Variants in RAD51B observed in about 807,000 individuals in gnomAD.
RAD51B encodes the protein DNA repair protein RAD51 homolog 2.
RAD51B carries 38 observed loss-of-function variants against 42.2 expected under a neutral mutation model. The ratio of observed to expected loss-of-function variants is 0.90; its 90% CI spans 0.70 to 1.18. The LOEUF is 1.18. Ranked by LOEUF, RAD51B falls within the 50% of genes most tolerant of loss-of-function variation. RAD51B has a pLI of 0.00. For missense variants in RAD51B, 373 were observed against 400.7 expected (o/e 0.93, Z 0.59); for synonymous variants, 154 against 145.2 (o/e 1.06, Z -0.43).
rs567291217 is a variant in RAD51B, at chr14:68,450,474, C to T, written c.958-17698C>T. 3.3e-5 allele frequency among the ~76,000 whole-genome samples: 5 copies of T among 152,202 alleles called. No individual in the cohort carries two copies. The South Asian group carries it at 1.0e-3, about 32-fold the overall frequency. ...CCTCAGGTGATCCACCCGCCTTGGCCGCCCGAAGTGCTGGGATTATAGGCG... is the reference window on the plus strand; with the variant it reads ...CCTCAGGTGATCCACCCGCCTTGGCTGCCCGAAGTGCTGGGATTATAGGCG... On this transcript the variant is annotated intron_variant, in intron 9 of 10. Coordinates refer to ENST00000471583, the MANE Select transcript of RAD51B (RefSeq NM_133510.4).
intron 10 of RAD51B, among the ~76,000 whole-genome samples, chr14:68,523,416 C>G (rs889528949): frequency 1.3e-5 from 2 of 152,090 alleles, no homozygotes; most frequent in Non-Finnish European, 2.9e-5. Flanking sequence ...TCTGGGGTGG[C>G]CTTTTGGATT....
intron 11 of RAD51B, among the ~76,000 whole-genome samples, chr14:68,676,308 C>T (rs970514360): frequency 1.7e-4 from 26 of 152,274 alleles, no homozygotes; most frequent in African/African-American, 6.3e-4. Context: ...AGAACCCCAC[C>T]ACAGCAAGCT....
At chr14:68,536,613 T>G (rs1256669526) in intron 10 of RAD51B, among the ~76,000 whole-genome samples, 4 of 152,252 alleles carry the variant, frequency 2.6e-5, no homozygotes, top group Non-Finnish European at 4.4e-5. Flanking sequence ...TTATCCTTTG[T>G]AAAATTCTGT....
chr14:67,967,479 C>T (rs1050183831), intron 7 of RAD51B, among the ~76,000 whole-genome samples: 1 of 152,146 alleles, frequency 6.6e-6, no homozygotes, highest in Non-Finnish European at 1.5e-5. Context: ...CAAAAGCAAG[C>T]TAGTTGTTTC....
chr14:68,503,721 G>A (rs903579312), intron 10 of RAD51B, among the ~76,000 whole-genome samples: 31 of 152,148 alleles, frequency 2.0e-4, no homozygotes, highest in African/African-American at 7.2e-4. Flanking sequence ...GTTAGTAGAT[G>A]TTCCATAAAT....
At position 68,151,823 on chromosome 14, in the gene RAD51B, CTTTTTTTTTTTTTTTTTTT is replaced by C. The variant is rs71129868; in HGVS notation, c.757-140042_757-140024del. 4.3e-4 allele frequency among the ~76,000 whole-genome samples: 17 copies of C among 39,934 alleles called. 1 individual carries two copies. Among genetic ancestry groups the C allele is most frequent in the Admixed American group, 1.6e-3 (4 of 2,428 alleles). The allele number at this position is 39,934 out of a possible 152,430, so 26.2% of individuals were successfully genotyped here. A position where few individuals can be genotyped will look rare whatever the true frequency, so the allele number is the denominator to read the frequency against. On this transcript the variant is annotated intron_variant, in intron 7 of 10. Coordinates refer to ENST00000471583, the MANE Select transcript of RAD51B (RefSeq NM_133510.4). ...CAAACATGGACTATAGTTATAAAGA[CTTTTTTTTTTTTTTTTTTT>C]TTTTTTTTTTTTTTTTTTGAGATGG...
At chr14:68,214,674 C>T (rs1308513809) in intron 7 of RAD51B, among the ~76,000 whole-genome samples, 6 of 152,134 alleles carry the variant, frequency 3.9e-5, no homozygotes, top group African/African-American at 7.2e-5. Context: ...TGTTTGTTCA[C>T]GAGTGTTTTG....
chr14:68,144,256 C>T (rs1215567571), intron 7 of RAD51B, among the ~76,000 whole-genome samples: 2 of 152,168 alleles, frequency 1.3e-5, no homozygotes, highest in Non-Finnish European at 2.9e-5. Flanking sequence ...GGTGTACTTT[C>T]ACCCCTGGCC....
chr14:68,478,766 T>C (rs1032187552), downstream of RAD51B, among the ~76,000 whole-genome samples: 6 of 152,200 alleles, frequency 3.9e-5, no homozygotes, highest in South Asian at 1.2e-3. Context: ...CTCCTATGAG[T>C]GCCCAACAGA....
chr14:67,885,923 G>C lies in RAD51B; in HGVS notation c.507G>C (p.Lys169Asn), dbSNP rs1330211984. The C allele has an allele frequency of 6.2e-7, 1 of 1,606,858 alleles. No homozygotes were observed. Among genetic ancestry groups the C allele is most frequent in the Non-Finnish European group, 8.5e-7 (1 of 1,174,952 alleles). Residue 169 changes from lysine to asparagine, a missense_variant, in exon 6 of 11, where the codon AAG (lysine) becomes AAC (asparagine). Lys to Asn is a moderately conservative substitution (Grantham distance 94). Coordinates refer to ENST00000471583, the MANE Select transcript of RAD51B (RefSeq NM_133510.4). The stretch of plus-strand genomic sequence containing the variant: ...CCAGATATTTTAACACTGAAGAAAA[G>C]TTACTTTTGACAAGTAGTAAAGTTC... ...RFPRYFNTEE[K>N]LLLTSSKVHL...
chr14:68,535,713 A>T (rs1404399241), intron 10 of RAD51B, among the ~76,000 whole-genome samples: 1 of 152,212 alleles, frequency 6.6e-6, no homozygotes, highest in East Asian at 1.9e-4. Context: ...CCAACATTTC[A>T]GGAAAACCAA....
chr14:68,511,676 T>TAA (rs1307726084), intron 10 of RAD51B, among the ~76,000 whole-genome samples: 3 of 152,194 alleles, frequency 2.0e-5, no homozygotes, highest in African/African-American at 7.2e-5. Flanking sequence ...AAGAAGCTAT[T>TAA]AAGGCGTGTT....
At chr14:68,050,760 G>A (rs896057531) in intron 7 of RAD51B, among the ~76,000 whole-genome samples, 5 of 151,988 alleles carry the variant, frequency 3.3e-5, no homozygotes, top group African/African-American at 1.2e-4. Flanking sequence ...CAAGCTGTGT[G>A]TTTTTGCATT....
intron 7 of RAD51B, among the ~76,000 whole-genome samples, chr14:67,935,184 G>A (rs2044891827): frequency 6.6e-6 from 1 of 152,122 alleles, no homozygotes; most frequent in Non-Finnish European, 1.5e-5. Flanking sequence ...GAATCCTTTT[G>A]GAGAGAGTTA....
At chr14:67,924,320 G>A (rs990091483) in intron 7 of RAD51B, among the ~76,000 whole-genome samples, 8 of 152,082 alleles carry the variant, frequency 5.3e-5, no homozygotes, top group African/African-American at 1.9e-4. Flanking sequence ...ATGTCTAGAA[G>A]GGGTTTTCCA....
rs570652442 is a variant in RAD51B, at chr14:68,493,008, T to G, written c.1036+24758T>G. On this transcript the variant is annotated intron_variant, in intron 10 of 10. Transcript: ENST00000487270. The stretch of plus-strand genomic sequence containing the variant: ...GCCTCTCTGATCCTTTGAGAGAATG[T>G]ACATTAGCATCCCTCCGAGCTTCCC... 3.9e-5 allele frequency among the ~76,000 whole-genome samples: 6 copies of G among 152,306 alleles called. No homozygotes were observed. The South Asian group carries it at 1.2e-3, about 32-fold the overall frequency.
At chr14:68,089,075 A>AT (rs1231484500) in intron 7 of RAD51B, among the ~76,000 whole-genome samples, 3 of 151,070 alleles carry the variant, frequency 2.0e-5, no homozygotes, top group Non-Finnish European at 4.4e-5. Flanking sequence ...AGCCATCATT[A>AT]TTTTTTTTTC....
At chr14:68,284,256 C>G (rs1191078195) in intron 7 of RAD51B, among the ~76,000 whole-genome samples, 1 of 152,194 alleles carries the variant, frequency 6.6e-6, no homozygotes, top group Non-Finnish European at 1.5e-5. Flanking sequence ...TCCCCTTTTC[C>G]TTGGCCACTG....
intron 8 of RAD51B, among the ~76,000 whole-genome samples, chr14:68,366,869 G>A (rs993213956): frequency 6.6e-6 from 1 of 152,168 alleles, no homozygotes; most frequent in African/African-American, 2.4e-5. Flanking sequence ...GTCATTGGTG[G>A]AACAAAAATT....
Sources: allele counts gnomAD v4.1 joint callset (sites outside exome capture counted in the v4.1 genomes callset), GRCh38; gene constraint gnomAD v4.1.1; transcripts MANE v1.5; gene names NCBI Gene and HGNC (gene_info 2026-07-23, HGNC 2026-07-21).